Variants in PRDM6 observed in about 807,000 individuals in gnomAD.
PRDM6 encodes PR/SET domain 6.
PRDM6 carries 25 observed loss-of-function variants against 60.8 expected under a neutral mutation model. The ratio of observed to expected loss-of-function variants is 0.41; its 90% CI spans 0.30 to 0.57. The LOEUF is 0.57. Among genes scored for constraint, PRDM6 ranks in the 20% least tolerant of loss-of-function variants. PRDM6 has a pLI of 0.27. For synonymous variants in PRDM6, 407 were observed against 357.4 expected (o/e 1.14, Z -1.57); for missense variants, 839 against 821.3 (o/e 1.02, Z -0.26).
intron 3 of PRDM6, among the ~76,000 whole-genome samples, chr5:123,139,499 C>T (rs1258902693): frequency 6.6e-6 from 1 of 151,802 alleles, no homozygotes; most frequent in Non-Finnish European, 1.5e-5. Context: ...GATTTTGTAT[C>T]TGTTTTTTTG....
intron 3 of PRDM6, among the ~76,000 whole-genome samples, chr5:123,117,540 G>C (rs1005126612): frequency 5.3e-5 from 8 of 152,148 alleles, no homozygotes; most frequent in African/African-American, 1.4e-4. Flanking sequence ...TTTAAAAATG[G>C]GGACACATGA....
intron 3 of PRDM6, among the ~76,000 whole-genome samples, chr5:123,102,225 G>A (rs1269624699): frequency 1.3e-5 from 2 of 152,138 alleles, no homozygotes; most frequent in Admixed American, 1.3e-4. Flanking sequence ...AGGTAACTTA[G>A]TGCCAATATC....
At chr5:123,119,845 T>C (rs1001639832) in intron 3 of PRDM6, among the ~76,000 whole-genome samples, 1 of 152,160 alleles carries the variant, frequency 6.6e-6, no homozygotes, top group African/African-American at 2.4e-5. Context: ...TCAAGCTAAG[T>C]AGACGCATTT....
intron 5 of PRDM6, among the ~76,000 whole-genome samples, chr5:123,170,262 C>G (rs1765855168): frequency 6.6e-6 from 1 of 152,188 alleles, no homozygotes; most frequent in Non-Finnish European, 1.5e-5. Flanking sequence ...TGTCTTTCGT[C>G]TTGTTCCCTT....
At chr5:123,122,294 C>G (rs1447004529) in intron 3 of PRDM6, among the ~76,000 whole-genome samples, 5 of 151,998 alleles carry the variant, frequency 3.3e-5, no homozygotes, top group African/African-American at 1.2e-4. Flanking sequence ...AGACAAACAG[C>G]CTTGAGAACC....
intron 5 of PRDM6, among the ~76,000 whole-genome samples, chr5:123,169,367 G>T (rs1242791290): frequency 6.6e-6 from 1 of 152,090 alleles, no homozygotes; most frequent in African/African-American, 2.4e-5. Context: ...TATCTCCTCG[G>T]AAGTATTTCT....
chr5:123,109,257 T>C (rs1348924236), intron 3 of PRDM6, among the ~76,000 whole-genome samples: 4 of 152,190 alleles, frequency 2.6e-5, no homozygotes, highest in Admixed American at 6.5e-5. Context: ...ATTTATCCAG[T>C]TGTGGTGAGA....
In PRDM6 at chr5:123,190,631, A is replaced by G. The variant is rs1766413520; in HGVS notation, c.*3430A>G. The G allele has an allele frequency of 1.3e-5, 2 of 152,314 alleles. No individual in the cohort carries two copies. Among genetic ancestry groups the G allele is most frequent in the Admixed American group, 6.5e-5 (1 of 15,300 alleles). 9.4% of individuals were successfully genotyped at this position (152,314 alleles called of 1,614,324 possible). A position where few individuals can be genotyped will look rare whatever the true frequency, so the allele number is the denominator to read the frequency against. ...TCATTGTGTCCTCATAGGGCTCATA[A>G]TTGAATTTTACCTTGTAAAAATTTC... On this transcript the variant is annotated 3_prime_UTR_variant, in exon 8 of 8. Transcript: ENST00000407847.
chr5:123,152,007 A>G (rs901857046), intron 3 of PRDM6, among the ~76,000 whole-genome samples: 5 of 152,136 alleles, frequency 3.3e-5, no homozygotes, highest in Non-Finnish European at 7.4e-5. Flanking sequence ...AAAAAAAAAA[A>G]CAGAAAAAAA....
intron 2 of PRDM6, among the ~76,000 whole-genome samples, chr5:123,098,482 G>T (rs1470617058): frequency 6.6e-6 from 1 of 152,250 alleles, no homozygotes; most frequent in Non-Finnish European, 1.5e-5. Context: ...GGAGGGCGCT[G>T]CGATCCGACA....
chr5:123,146,179 C>T (rs976386012), intron 3 of PRDM6, among the ~76,000 whole-genome samples: 3 of 152,122 alleles, frequency 2.0e-5, no homozygotes, highest in Admixed American at 2.0e-4. Context: ...CAGTAGCTAC[C>T]AGGCTGAGGT....
intron 3 of PRDM6, among the ~76,000 whole-genome samples, chr5:123,107,197 A>C (rs575965159): frequency 1.3e-5 from 2 of 152,362 alleles, no homozygotes; most frequent in South Asian, 4.1e-4. Flanking sequence ...ATATGATGCC[A>C]ATTTAAAAGG....
In PRDM6 at chr5:123,093,639, G is replaced by A. The variant is rs912110779; in HGVS notation, c.592+3033G>A. Among the ~76,000 whole-genome samples, 40 of 151,986 alleles carry A rather than the reference G, an allele frequency of 2.6e-4. 1 individual carries two copies. Among genetic ancestry groups the A allele is most frequent in the Admixed American group, 2.6e-3 (40 of 15,260 alleles). On this transcript the variant is annotated intron_variant, in intron 2 of 7. Coordinates refer to ENST00000407847, the MANE Select transcript of PRDM6 (RefSeq NM_001136239.4). ...CTCCTGCGATATAAATGGGGGATGG[G>A]GCCCTTCCTTCCCCGTCTAATATTA...
At chr5:123,185,274 C>A (rs1203139225) in intron 7 of PRDM6, among the ~76,000 whole-genome samples, 1 of 152,058 alleles carries the variant, frequency 6.6e-6, no homozygotes, top group African/African-American at 2.4e-5. Context: ...ATTGTTCAAG[C>A]TATTCTACTC....
At chr5:123,152,321 C>T (rs1765386705) in intron 3 of PRDM6, among the ~76,000 whole-genome samples, 1 of 152,138 alleles carries the variant, frequency 6.6e-6, no homozygotes, top group African/African-American at 2.4e-5. Context: ...ACTGGAAAAG[C>T]TCAAGCCCAG....
In PRDM6 at chr5:123,185,153, C is replaced by A. The variant is rs565528201; in HGVS notation, c.1674-1934C>A. The stretch of plus-strand genomic sequence containing the variant: ...TGTTAAAATATTACATATAGACATA[C>A]ACTTTTGCCTTATATGAAGCACTAA... On this transcript the variant is annotated intron_variant, in intron 7 of 7. Coordinates refer to ENST00000407847, the MANE Select transcript of PRDM6 (RefSeq NM_001136239.4). Among the ~76,000 whole-genome samples, 3 of 152,282 alleles carry A rather than the reference C, an allele frequency of 2.0e-5. No individual in the cohort carries two copies. The South Asian group carries it at 6.2e-4, about 32-fold the overall frequency.
intron 3 of PRDM6, among the ~76,000 whole-genome samples, chr5:123,130,175 C>T (rs144657146): frequency 0.15 from 2,664 of 18,262 alleles, 47 homozygotes; most frequent in East Asian, 0.28. Flanking sequence ...CCCTCCCCTC[C>T]CCTTCCCTTC....
At chr5:123,173,984 C>T (rs1765951662) in intron 6 of PRDM6, among the ~76,000 whole-genome samples, 1 of 152,170 alleles carries the variant, frequency 6.6e-6, no homozygotes, top group Non-Finnish European at 1.5e-5. Context: ...ACAGTAGCTA[C>T]GTTTGGAACC....
In PRDM6 at chr5:123,090,273, T is replaced by TCCGCCTCCG; in HGVS notation, c.261_262insGCCTCCGCC (p.Ser87_Thr88insAlaSerAla). ...CGCCTCGTCCACGCCGGCTTCCTCTTCCACCTCCGCCTCCTCCGCCTCCTC... is the reference window on the plus strand; with the variant it reads ...CGCCTCGTCCACGCCGGCTTCCTCTTCCGCCTCCGCCACCTCCGCCTCCTCCGCCTCCTC... On this transcript the variant is annotated inframe_insertion, in exon 2 of 8. Coordinates refer to ENST00000407847, the MANE Select transcript of PRDM6 (RefSeq NM_001136239.4). 1 of 1,082,698 alleles carries TCCGCCTCCG rather than the reference T, an allele frequency of 9.2e-7. No homozygotes were observed. The highest frequency in any genetic ancestry group is 1.3e-6 in the Non-Finnish European group (1 of 759,180). The allele number at this position is 1,082,698 out of a possible 1,614,324, so 67.1% of individuals were successfully genotyped here.
Sources: gnomAD v4.1 joint callset for allele counts (sites outside exome capture counted in the v4.1 genomes callset) on GRCh38, gnomAD v4.1.1 for gene constraint, MANE v1.5 for transcripts, NCBI Gene and HGNC (gene_info 2026-07-23, HGNC 2026-07-21) for gene names.